SYT16: variants seen among roughly 807,000 people sequenced by gnomAD.
The protein encoded by SYT16 is synaptotagmin-16.
Under a neutral mutation model 61.4 loss-of-function variants are expected in SYT16, and 42 were observed. The observed-to-expected ratio is 0.68, with a 90% CI of 0.53 to 0.89. The LOEUF (loss-of-function observed/expected upper bound fraction) is 0.89. SYT16 is among the 40% of genes least tolerant of loss of function. The probability of loss-of-function intolerance (pLI) is 0.00; values close to 1 mark genes in which losing one functional copy is unlikely to be tolerated. For synonymous variants in SYT16, 314 were observed against 302.3 expected (o/e 1.04, Z -0.40); for missense variants, 804 against 807.3 (o/e 1.00, Z 0.05).
At chr14:61,820,430 A>G (rs1305767227) in intron 1 of SYT16, among the ~76,000 whole-genome samples, 1 of 138,710 alleles carries the variant, frequency 7.2e-6, no homozygotes, top group Non-Finnish European at 1.5e-5. Flanking sequence ...ATGGATGGCT[A>G]TAGCACTGGG....
At chr14:61,961,666 T>C (rs918066636) in intron 1 of SYT16, among the ~76,000 whole-genome samples, 3 of 152,194 alleles carry the variant, frequency 2.0e-5, no homozygotes, top group Non-Finnish European at 4.4e-5. Flanking sequence ...ACACTGCTGG[T>C]GGGAATGTAA....
At chr14:61,872,271 T>C (rs1157535679) in intron 1 of SYT16, among the ~76,000 whole-genome samples, 1 of 152,210 alleles carries the variant, frequency 6.6e-6, no homozygotes, top group African/African-American at 2.4e-5. Flanking sequence ...GTACCTATTT[T>C]TAGAGTACAT....
At chr14:61,842,994 T>C (rs906395122) in intron 1 of SYT16, among the ~76,000 whole-genome samples, 8 of 152,186 alleles carry the variant, frequency 5.3e-5, no homozygotes, top group Admixed American at 2.6e-4. Context: ...GATGGACACT[T>C]AGGTTGCTTC....
chr14:62,082,935 C>T (rs1350896957), intron 6 of SYT16, among the ~76,000 whole-genome samples: 5 of 152,280 alleles, frequency 3.3e-5, no homozygotes, highest in East Asian at 1.9e-4. Context: ...GAGATTTATA[C>T]GGATTCAGAA....
Position 62,067,352 on chromosome 14 carries a change from G to A in SYT16, c.524-2251G>A, listed in dbSNP as rs2056103587. On this transcript the variant is annotated intron_variant, in intron 3 of 7. Coordinates refer to ENST00000683842, the MANE Select transcript of SYT16 (RefSeq NM_001367656.1). ...TGAAGGCAACTACTTAAGGGAGGGT[G>A]TTCAGGGAGGACTGTAGGATGAAGT... is the stretch of plus-strand genomic sequence containing the variant. Among the ~76,000 whole-genome samples the A allele has an allele frequency of 1.3e-5, 2 of 152,168 alleles. 1 individual carries two copies. The highest frequency in any genetic ancestry group is 4.1e-4 in the South Asian group (2 of 4,820).
intron 4 of SYT16, among the ~76,000 whole-genome samples, chr14:62,072,272 T>C (rs2056326127): frequency 6.6e-6 from 1 of 152,202 alleles, no homozygotes; most frequent in Non-Finnish European, 1.5e-5. Flanking sequence ...CTTAGTTTTG[T>C]TTGAGATGGT....
rs754334727 is a variant in SYT16, at chr14:62,033,079, C to T, written c.524-36524C>T. Reference sequence around the variant, plus strand: ...ACTAAACTTAAGGAAAAATATTTCTCGGTAAATATTTCAGAAAAAATACAA... The same window carrying T: ...ACTAAACTTAAGGAAAAATATTTCTTGGTAAATATTTCAGAAAAAATACAA... On this transcript the variant is annotated intron_variant, in intron 3 of 7. Transcript: ENST00000683842. Among the ~76,000 whole-genome samples the T allele has an allele frequency of 6.0e-5, 9 of 150,922 alleles. No individual in the cohort carries two copies. In the South Asian group the frequency reaches 6.3e-4, roughly 11 times the overall value.
intron 1 of SYT16, among the ~76,000 whole-genome samples, chr14:61,967,885 A>G (rs1309554143): frequency 6.6e-6 from 1 of 152,078 alleles, no homozygotes; most frequent in Middle Eastern, 3.2e-3. Flanking sequence ...TTGTGTGGAG[A>G]ATGGACTTGA....
At chr14:61,968,333 G>A (rs1030299815) in intron 1 of SYT16, among the ~76,000 whole-genome samples, 1 of 152,142 alleles carries the variant, frequency 6.6e-6, no homozygotes, top group Non-Finnish European at 1.5e-5. Context: ...AGATAAAGGG[G>A]TGTGGTTGAG....
rs1213567330 is a variant in SYT16, at chr14:62,111,333, A to G, written c.*10626A>G. ...GGAGATTTTCAGGAGATTTTACCCTACATGGAGTACACTGTTCTTAGCAGG... is the reference window on the plus strand; with the variant it reads ...GGAGATTTTCAGGAGATTTTACCCTGCATGGAGTACACTGTTCTTAGCAGG... On this transcript the variant is annotated 3_prime_UTR_variant, in exon 8 of 8. Coordinates refer to ENST00000683842, the MANE Select transcript of SYT16 (RefSeq NM_001367656.1). The G allele has an allele frequency of 6.6e-6, 1 of 152,094 alleles. No homozygotes were observed. The highest frequency in any genetic ancestry group is 2.4e-5 in the African/African-American group (1 of 41,454). The allele number at this position is 152,094 out of a possible 1,614,324, so 9.4% of individuals were successfully genotyped here. A position where few individuals can be genotyped will look rare whatever the true frequency, so the allele number is the denominator to read the frequency against.
intron 3 of SYT16, among the ~76,000 whole-genome samples, chr14:62,035,903 CTAAT>C (rs1302890692): frequency 6.6e-6 from 1 of 152,130 alleles, no homozygotes. Context: ...TAGGATGGGG[CTAAT>C]TAATTACTGC....
intron 3 of SYT16, among the ~76,000 whole-genome samples, chr14:62,059,777 T>TACAC (rs34498170): frequency 0.046 from 6,705 of 146,758 alleles, 183 homozygotes; most frequent in Middle Eastern, 0.077. Flanking sequence ...TGTATACACA[T>TACAC]ACACACACAC....
At chr14:61,976,646 A>T (rs2051816817) in intron 2 of SYT16, among the ~76,000 whole-genome samples, 1 of 152,128 alleles carries the variant, frequency 6.6e-6, no homozygotes, top group South Asian at 2.1e-4. Context: ...CATGACTGGG[A>T]TGCAGAGCAC....
At chr14:62,050,994 A>G (rs556674035) in intron 3 of SYT16, among the ~76,000 whole-genome samples, 101 of 152,300 alleles carry the variant, frequency 6.6e-4, no homozygotes, top group African/African-American at 2.3e-3. Context: ...ACTCTCTTCA[A>G]AACTGTCAGA....
intron 2 of SYT16, among the ~76,000 whole-genome samples, chr14:61,986,098 G>C (rs185967204): frequency 6.6e-6 from 1 of 152,096 alleles, no homozygotes; most frequent in African/African-American, 2.4e-5. Flanking sequence ...GGTGGAACTG[G>C]CTCATGGTGC....
At position 62,101,934 on chromosome 14, in the gene SYT16, A is replaced by G. The variant is rs1470643738; in HGVS notation, c.*1227A>G. ...GATTTTACTTATGACTTAATTTTACATATTTATGCAGTGCATGTTTACTTT... is the reference window on the plus strand; with the variant it reads ...GATTTTACTTATGACTTAATTTTACGTATTTATGCAGTGCATGTTTACTTT... On this transcript the variant is annotated 3_prime_UTR_variant, in exon 8 of 8. Coordinates refer to ENST00000683842, the MANE Select transcript of SYT16 (RefSeq NM_001367656.1). 2 of 152,170 alleles carry G rather than the reference A, an allele frequency of 1.3e-5. No homozygotes were observed. The highest frequency in any genetic ancestry group is 2.9e-5 in the Non-Finnish European group (2 of 68,020). 9.4% of individuals were successfully genotyped at this position (152,170 alleles called of 1,614,324 possible). A position where few individuals can be genotyped will look rare whatever the true frequency, so the allele number is the denominator to read the frequency against.
intron 3 of SYT16, among the ~76,000 whole-genome samples, chr14:62,039,391 C>A (rs1047105423): frequency 6.6e-6 from 1 of 152,102 alleles, no homozygotes; most frequent in African/African-American, 2.4e-5. Context: ...ATAAAGTATT[C>A]TAAGCTAAGA....
rs955611018 is a variant in SYT16 at position 62,110,394 on chromosome 14, G to GGTCTCATATAA, written c.*9687_*9688insGTCTCATATAA. ...CTTTGAGACCCCACTATATAACAGG[G>GGTCTCATATAA]CCATACATATGACAAGGTGATAGAT... On this transcript the variant is annotated 3_prime_UTR_variant, in exon 8 of 8. Coordinates refer to ENST00000683842, the MANE Select transcript of SYT16 (RefSeq NM_001367656.1). 1 of 152,010 alleles carries GGTCTCATATAA rather than the reference G, an allele frequency of 6.6e-6. No individual in the cohort carries two copies. The highest frequency in any genetic ancestry group is 1.5e-5 in the Non-Finnish European group (1 of 67,954). The allele number at this position is 152,010 out of a possible 1,614,324, so 9.4% of individuals were successfully genotyped here.
chr14:62,091,241 C>T (rs2057062638), intron 7 of SYT16, among the ~76,000 whole-genome samples: 1 of 152,180 alleles, frequency 6.6e-6, no homozygotes, highest in South Asian at 2.1e-4. Context: ...GAAAAATACT[C>T]AGCTTAGCAT....
Sources: gnomAD v4.1 joint callset for allele counts (sites outside exome capture counted in the v4.1 genomes callset) on GRCh38, gnomAD v4.1.1 for gene constraint, MANE v1.5 for transcripts, NCBI Gene and HGNC (gene_info 2026-07-23, HGNC 2026-07-21) for gene names.